STAG1: variants seen among roughly 807,000 people sequenced by gnomAD.
STAG1 encodes the protein cohesin subunit SA-1.
STAG1 carries 26 observed loss-of-function variants against 170.9 expected under a neutral mutation model. The ratio of observed to expected loss-of-function variants is 0.15; its 90% CI spans 0.11 to 0.21. STAG1 has a LOEUF of 0.21. Among genes scored for constraint, STAG1 ranks in the 10% least tolerant of loss-of-function variants. The pLI is 1.00. For synonymous variants in STAG1, 514 were observed against 497.7 expected, an observed-to-expected ratio of 1.03 and a Z score of -0.44; for missense variants, 964 against 1,509.5, an observed-to-expected ratio of 0.64 and a Z score of 5.99.
intron 16 of STAG1, among the ~76,000 whole-genome samples, chr3:136,426,336 C>T (rs1436973122): frequency 6.6e-6 from 1 of 152,038 alleles, no homozygotes; most frequent in Non-Finnish European, 1.5e-5. Context: ...CGTGAACCCC[C>T]AGGGGGCGGA....
intron 1 of STAG1, among the ~76,000 whole-genome samples, chr3:136,722,903 G>A (rs950364535): frequency 5.8e-4 from 89 of 152,282 alleles, no homozygotes; most frequent in African/African-American, 2.0e-3. Context: ...TGTGTTGGCC[G>A]GGCTGGTCTC....
intron 7 of STAG1, among the ~76,000 whole-genome samples, chr3:136,514,151 A>C (rs1285177154): frequency 6.6e-6 from 1 of 152,214 alleles, no homozygotes; most frequent in Non-Finnish European, 1.5e-5. Context: ...TCTAGTGTAC[A>C]ATATGAAAAC....
chr3:136,435,064 C>T (rs1359075446), intron 15 of STAG1, among the ~76,000 whole-genome samples: 4 of 152,100 alleles, frequency 2.6e-5, no homozygotes, highest in Non-Finnish European at 5.9e-5. Context: ...TGCTTTACTG[C>T]TTTGATTATA....
chr3:136,377,931 G>A (rs1372821711), intron 22 of STAG1, among the ~76,000 whole-genome samples, 179 bp from the exon 23 acceptor site: 2 of 152,120 alleles, frequency 1.3e-5, no homozygotes, highest in Non-Finnish European at 1.5e-5. Context: ...CTAATAGAAG[G>A]GGTAGTGACA....
intron 4 of STAG1, among the ~76,000 whole-genome samples, chr3:136,601,660 C>A (rs1381331618): frequency 1.3e-5 from 2 of 151,894 alleles, no homozygotes; most frequent in African/African-American, 2.4e-5. Flanking sequence ...ACTAAAAATA[C>A]AAAACAAACA....
intron 3 of STAG1, among the ~76,000 whole-genome samples, chr3:136,615,413 A>G (rs1314659471): frequency 7.7e-6 from 1 of 129,080 alleles, no homozygotes; most frequent in East Asian, 2.3e-4. Context: ...GGGTGACAAC[A>G]AGACTTTGTC....
At chr3:136,396,520 C>CTTTTTTTTTTTTTTTTTTTTT (rs146270857) in intron 22 of STAG1, among the ~76,000 whole-genome samples, 6 of 43,658 alleles carry the variant, frequency 1.4e-4, no homozygotes, top group East Asian at 8.8e-4. Flanking sequence ...CGCGCCTGGC[C>CTTTTTTTTTTTTTTTTTTTTT]TTTTTTTTTT....
At chr3:136,565,402 A>G (rs1173639809) in intron 5 of STAG1, among the ~76,000 whole-genome samples, 1 of 152,246 alleles carries the variant, frequency 6.6e-6, no homozygotes, top group Non-Finnish European at 1.5e-5. Flanking sequence ...AAATACAGAC[A>G]TGTCCAACAA....
intron 7 of STAG1, 126 bp from the exon 8 acceptor site, chr3:136,502,905 A>C: frequency 1.4e-6 from 1 of 703,384 alleles, no homozygotes; most frequent in East Asian, 3.3e-5. Flanking sequence ...CCCAGGCATA[A>C]TTTAAGTTTA....
At chr3:136,723,966 C>G (rs184548526) in intron 1 of STAG1, among the ~76,000 whole-genome samples, 14 of 150,362 alleles carry the variant, frequency 9.3e-5, no homozygotes, top group Non-Finnish European at 1.6e-4. Flanking sequence ...GCCGCCCCGA[C>G]CAGGAGGGAG....
intron 6 of STAG1, among the ~76,000 whole-genome samples, chr3:136,539,610 G>C (rs1935796313): frequency 6.6e-6 from 1 of 152,148 alleles, no homozygotes; most frequent in Non-Finnish European, 1.5e-5. Context: ...CAAAAATGTG[G>C]GGAAGAAATA....
intron 1 of STAG1, among the ~76,000 whole-genome samples, chr3:136,667,983 G>T (rs915635252): frequency 2.6e-5 from 4 of 151,808 alleles, no homozygotes; most frequent in Non-Finnish European, 4.4e-5. Context: ...AGGCCAGGAG[G>T]TAAGACCATC....
At chr3:136,645,127 G>T (rs182158816) in intron 1 of STAG1, among the ~76,000 whole-genome samples, 7 of 152,270 alleles carry the variant, frequency 4.6e-5, no homozygotes, top group African/African-American at 1.4e-4. Context: ...AGTTATCTGG[G>T]ACAATTGATA....
chr3:136,575,620 A>G (rs774023432), intron 4 of STAG1, among the ~76,000 whole-genome samples: 8 of 149,526 alleles, frequency 5.4e-5, no homozygotes, highest in Non-Finnish European at 7.6e-5. Context: ...CCACAGACCC[A>G]AAGAGAAGGC....
chr3:136,664,719 C>T (rs1941695617), intron 1 of STAG1, among the ~76,000 whole-genome samples: 1 of 151,982 alleles, frequency 6.6e-6, no homozygotes, highest in African/African-American at 2.4e-5. Context: ...GAAACGCATG[C>T]CTTTGAGAAG....
At chr3:136,590,447 C>T (rs1006316996) in intron 4 of STAG1, among the ~76,000 whole-genome samples, 1 of 150,788 alleles carries the variant, frequency 6.6e-6, no homozygotes, top group Non-Finnish European at 1.5e-5. Context: ...GAGCTGAGAT[C>T]GCGCCACTGC....
chr3:136,451,588 C>A (rs2107775968), intron 14 of STAG1, among the ~76,000 whole-genome samples: 1 of 152,192 alleles, frequency 6.6e-6, no homozygotes, highest in African/African-American at 2.4e-5. Flanking sequence ...CATGGTGAAA[C>A]CCCGTCTCTA....
rs1336587598 is a variant in STAG1 at position 136,723,783 on chromosome 3, G to T, written c.-84+28412C>A. Among the ~76,000 whole-genome samples, 5 of 137,416 alleles carry T rather than the reference G, an allele frequency of 3.6e-5. No homozygotes were observed. The South Asian group carries it at 7.5e-4, about 20-fold the overall frequency. The allele number at this position is 137,416 out of a possible 152,430, so 90.2% of individuals were successfully genotyped here. ...CAGCCGCCCCGTCCGGGAAGGAGGT[G>T]GGGGGGTCAGCCCCCCGCCCGGCCA... On this transcript the variant is annotated intron_variant, in intron 1 of 33. Coordinates refer to ENST00000383202, the MANE Select transcript of STAG1 (RefSeq NM_005862.3).
At chr3:136,374,472 C>T (rs779152688) in intron 23 of STAG1, among the ~76,000 whole-genome samples, 99 of 152,058 alleles carry the variant, frequency 6.5e-4, no homozygotes, top group Non-Finnish European at 1.1e-3. Flanking sequence ...ACAAAATTAG[C>T]CAGGTGTGGT....
Sources: gnomAD v4.1 joint callset for allele counts (sites outside exome capture counted in the v4.1 genomes callset) on GRCh38, gnomAD v4.1.1 for gene constraint, MANE v1.5 for transcripts, NCBI Gene and HGNC (gene_info 2026-07-23, HGNC 2026-07-21) for gene names.